The following CCDC88C variants were observed in gnomAD, a reference collection of about 807,000 sequenced individuals.
CCDC88C encodes protein Daple.
CCDC88C carries 131 observed loss-of-function variants against 198.8 expected under a neutral mutation model. The observed-to-expected ratio is 0.66, with a 90% CI of 0.57 to 0.76. CCDC88C has a LOEUF of 0.76. Among genes scored for constraint, CCDC88C ranks in the 30% least tolerant of loss-of-function variants. CCDC88C has a pLI of 0.00. For synonymous variants in CCDC88C, 1,166 were observed against 1,114.7 expected, an observed-to-expected ratio of 1.05 and a Z score of -0.92; for missense variants, 2,553 against 2,631.6, an observed-to-expected ratio of 0.97 and a Z score of 0.65.
chr14:91,332,693 C>A (rs1358558147), intron 10 of CCDC88C, among the ~76,000 whole-genome samples: 1 of 152,240 alleles, frequency 6.6e-6, no homozygotes, highest in African/African-American at 2.4e-5. Context: ...AATAACCTCT[C>A]TGCTCTCCTG....
In CCDC88C at chr14:91,337,996, G is replaced by C. The variant is rs372411289; in HGVS notation, c.1050+9C>G. 6.2e-7 allele frequency: 1 copy of C among 1,609,322 alleles called. No homozygotes were observed. The highest frequency in any genetic ancestry group is 2.2e-5 in the East Asian group (1 of 44,874). On this transcript the variant is annotated intron_variant, in intron 10 of 29. Coordinates refer to ENST00000389857, the MANE Select transcript of CCDC88C (RefSeq NM_001080414.4). ...CCCCATCCAGGGGCCTCACAGCAAG[G>C]CTCCCTACCTCCATGCGGGCCTTGT...
Position 91,352,406 on chromosome 14 carries a change from A to G in CCDC88C, c.340+7236T>C, listed in dbSNP as rs1266370832. Among the ~76,000 whole-genome samples the G allele has an allele frequency of 6.6e-6, 1 of 152,218 alleles. No individual in the cohort carries two copies. The highest frequency in any genetic ancestry group is 1.5e-5 in the Non-Finnish European group (1 of 68,040). ...CGGCTCCTGGCTTAAGTGCCCCAGC[A>G]CCGCACGTGGACTGGAGCCCTCATT... On this transcript the variant is annotated intron_variant, in intron 4 of 29. Transcript: ENST00000389857. This position sits in a 1 kb window ranked among gnomAD's most constrained non-coding sequence, Gnocchi z 4.2.
intron 3 of CCDC88C, among the ~76,000 whole-genome samples, chr14:91,407,870 C>A (rs28408375): frequency 0.018 from 2,668 of 148,488 alleles, 86 homozygotes; most frequent in African/African-American, 0.066. Flanking sequence ...GCAACCTCCA[C>A]CTCCCAGGTT....
Position 91,352,954 on chromosome 14 carries a change from A to ACAC in CCDC88C, c.340+6685_340+6687dup. 6.6e-6 allele frequency among the ~76,000 whole-genome samples: 1 copy of ACAC among 152,346 alleles called. No individual in the cohort carries two copies. Among genetic ancestry groups the ACAC allele is most frequent in the East Asian group, 1.9e-4 (1 of 5,168 alleles). On this transcript the variant is annotated intron_variant, in intron 4 of 29. Transcript: ENST00000389857. The surrounding 1 kb of genome is among the most constrained non-coding windows in gnomAD (Gnocchi z 4.2). ...GGATGGAGGTCAGTAAGCCTGGGGCACACCCAGCCCTCACAAGTTCCCCGG... is the reference window on the plus strand; with the variant it reads ...GGATGGAGGTCAGTAAGCCTGGGGCACACCACCCAGCCCTCACAAGTTCCCCGG...
intron 16 of CCDC88C, 22 bp from the exon 17 acceptor site, chr14:91,308,514 T>C (rs1463502833): frequency 6.8e-6 from 11 of 1,611,326 alleles, no homozygotes; most frequent in South Asian, 6.6e-5. Context: ...AAAGATACAA[T>C]AGTATCACTT....
At chr14:91,295,822 T>C in intron 22 of CCDC88C, among the ~76,000 whole-genome samples, 1 of 152,190 alleles carries the variant, frequency 6.6e-6, no homozygotes. Flanking sequence ...TGGGACTGCA[T>C]TTGGAGACAG....
chr14:91,340,686 C>A (rs1007382343), intron 6 of CCDC88C, among the ~76,000 whole-genome samples: 1 of 152,012 alleles, frequency 6.6e-6, no homozygotes, highest in Non-Finnish European at 1.5e-5. Flanking sequence ...AAGAAAGATA[C>A]CATAGTGCTC....
chr14:91,410,269 G>A (rs1886725827), intron 2 of CCDC88C, among the ~76,000 whole-genome samples: 2 of 152,186 alleles, frequency 1.3e-5, no homozygotes, highest in South Asian at 2.1e-4. Flanking sequence ...ACAGTCCCAA[G>A]ACACCGCAAA....
chr14:91,273,093 G>A lies in CCDC88C; in HGVS notation c.5619C>T (p.Gly1873=), dbSNP rs1284945502. Residue 1873 remains glycine, a synonymous_variant, in exon 30 of 30, where the codon GGC becomes GGT. Coordinates refer to ENST00000389857, the MANE Select transcript of CCDC88C (RefSeq NM_001080414.4). This position sits in a 1 kb window ranked among gnomAD's most constrained non-coding sequence, Gnocchi z 5.6. Reference sequence around the variant, plus strand: ...CCAGCGGCCGGCTGCGGGGACCTGGGCCCTGACAGGAGCTGCCAGCCTTTC... The same window carrying A: ...CCAGCGGCCGGCTGCGGGGACCTGGACCCTGACAGGAGCTGCCAGCCTTTC... ...LVGKAGSSCQ[G]PGPRSRPLDT... 1.9e-6 allele frequency: 3 copies of A among 1,563,802 alleles called. No individual in the cohort carries two copies. Among genetic ancestry groups the A allele is most frequent in the African/African-American group, 2.7e-5 (2 of 73,784 alleles).
At chr14:91,384,305 A>C in intron 3 of CCDC88C, 4 of 211,836 alleles carry the variant, frequency 1.9e-5, no homozygotes, top group South Asian at 4.9e-5. Flanking sequence ...TGAAATTTTT[A>C]TTTTAGGCTG....
At chr14:91,410,472 G>A (rs1886739792) in intron 2 of CCDC88C, among the ~76,000 whole-genome samples, 1 of 152,096 alleles carries the variant, frequency 6.6e-6, no homozygotes, top group Non-Finnish European at 1.5e-5. Flanking sequence ...AATCGAAAAC[G>A]TTTCAAATGT....
Position 91,291,057 on chromosome 14 carries a change from A to G in CCDC88C, c.4140T>C (p.His1380=). The G allele has an allele frequency of 6.3e-7, 1 of 1,579,990 alleles. No individual in the cohort carries two copies. The highest frequency in any genetic ancestry group is 1.3e-5 in the African/African-American group (1 of 74,718). The change falls in exon 24 of 30, where the codon CAT becomes CAC. Residue 1380 remains histidine, a synonymous_variant. Coordinates refer to ENST00000389857, the MANE Select transcript of CCDC88C (RefSeq NM_001080414.4). ...TGATTTTTTCTTCCAGCTTTTCCTT[A>G]TGTCTTCGTAAGGCATTTAATTTGT... ...YIDKLNALRR[H]KEKLEEKIMD...
chr14:91,330,207 G>A (rs1363893315), intron 10 of CCDC88C, among the ~76,000 whole-genome samples: 2 of 152,260 alleles, frequency 1.3e-5, no homozygotes, highest in South Asian at 2.1e-4. Flanking sequence ...GCAGTCAGGA[G>A]GGGTTTCAAG....
At chr14:91,391,919 T>C (rs1885528822) in intron 3 of CCDC88C, among the ~76,000 whole-genome samples, 1 of 152,170 alleles carries the variant, frequency 6.6e-6, no homozygotes, top group African/African-American at 2.4e-5. Context: ...ACTTTCTTTT[T>C]TTTTGGAGAC....
intron 20 of CCDC88C, among the ~76,000 whole-genome samples, chr14:91,300,831 T>G (rs1891243233): frequency 6.6e-6 from 1 of 152,130 alleles, no homozygotes; most frequent in Non-Finnish European, 1.5e-5. Context: ...TGTTTCAACC[T>G]CGTGTGTTCA....
chr14:91,378,800 T>A (rs1185376033), intron 3 of CCDC88C: 2 of 152,248 alleles, frequency 1.3e-5, no homozygotes, highest in African/African-American at 4.8e-5. Flanking sequence ...TCCACCTACA[T>A]CACTGAAGTT....
chr14:91,357,400 G>A (rs1326602839), intron 4 of CCDC88C, among the ~76,000 whole-genome samples: 2 of 152,228 alleles, frequency 1.3e-5, no homozygotes, highest in African/African-American at 2.4e-5. Flanking sequence ...CTATGAGTGC[G>A]TGTCACCATG....
Position 91,325,487 on chromosome 14 carries a change from G to C in CCDC88C, c.1197+423C>G, listed in dbSNP as rs1198069645. Among the ~76,000 whole-genome samples, 2 of 152,208 alleles carry C rather than the reference G, an allele frequency of 1.3e-5. No homozygotes were observed. ...GTCATTCGTGGTAGCAGTGGCAGCAGCAACGGCAGTAGCAGCAACAAACCC... is the reference window on the plus strand; with the variant it reads ...GTCATTCGTGGTAGCAGTGGCAGCACCAACGGCAGTAGCAGCAACAAACCC... On this transcript the variant is annotated intron_variant, in intron 11 of 29. Coordinates refer to ENST00000389857, the MANE Select transcript of CCDC88C (RefSeq NM_001080414.4). This position sits in a 1 kb window ranked among gnomAD's most constrained non-coding sequence, Gnocchi z 4.1.
chr14:91,375,810 G>A (rs549586619), intron 3 of CCDC88C, among the ~76,000 whole-genome samples: 15 of 152,098 alleles, frequency 9.9e-5, no homozygotes, highest in African/African-American at 3.1e-4. Flanking sequence ...CAGGGCGAGT[G>A]GGGGGCAAAT....
Sources: gnomAD v4.1 joint callset for allele counts (sites outside exome capture counted in the v4.1 genomes callset) on GRCh38, gnomAD v4.1.1 for gene constraint, Gnocchi (gnomAD v3.1) non-coding constraint, MANE v1.5 for transcripts, NCBI Gene and HGNC (gene_info 2026-07-23, HGNC 2026-07-21) for gene names.